The following KCNH7 variants were observed in gnomAD, a reference collection of about 807,000 sequenced individuals.
KCNH7 encodes voltage-gated inwardly rectifying potassium channel KCNH7.
KCNH7 carries 49 observed loss-of-function variants against 120.8 expected under a neutral mutation model. That is an observed-to-expected ratio of 0.41 (90% CI 0.32 to 0.51). The LOEUF is 0.51. Ranked by LOEUF, KCNH7 falls within the 20% of genes least tolerant of loss-of-function variation. The pLI, the probability that KCNH7 is intolerant of heterozygous loss-of-function variation, is 0.38. For missense variants in KCNH7, 1,097 were observed against 1,446.6 expected (o/e 0.76, Z 3.92); for synonymous variants, 547 against 516.1 (o/e 1.06, Z -0.81).
At chr2:162,521,240 T>C (rs1477800170) in intron 3 of KCNH7, among the ~76,000 whole-genome samples, 1 of 151,928 alleles carries the variant, frequency 6.6e-6, no homozygotes, top group Non-Finnish European at 1.5e-5. Context: ...ACTGAATGAC[T>C]TGGCATGGTA....
chr2:162,779,421 G>A (rs1243920417), intron 2 of KCNH7, among the ~76,000 whole-genome samples: 1 of 151,960 alleles, frequency 6.6e-6, no homozygotes, highest in Non-Finnish European at 1.5e-5. Flanking sequence ...GGATGGTCTC[G>A]ATCTCTTGAC....
intron 8 of KCNH7, among the ~76,000 whole-genome samples, chr2:162,427,612 C>T (rs1006445569): frequency 4.6e-5 from 7 of 151,668 alleles, no homozygotes; most frequent in African/African-American, 7.3e-5. Flanking sequence ...TTTATGATCT[C>T]GGTATTGAAA....
intron 5 of KCNH7, among the ~76,000 whole-genome samples, chr2:162,506,635 C>G (rs1690892588): frequency 1.3e-5 from 2 of 151,760 alleles, no homozygotes; most frequent in Non-Finnish European, 2.9e-5. Context: ...TCATCCTTCT[C>G]TATGCTGCAT....
intron 7 of KCNH7, among the ~76,000 whole-genome samples, chr2:162,436,073 AAAAC>A (rs147901683): frequency 0.02 from 3,019 of 152,232 alleles, 207 homozygotes; most frequent in Admixed American, 0.15. Flanking sequence ...AGATTTTTTA[AAAAC>A]AAACAAATAA....
intron 6 of KCNH7, among the ~76,000 whole-genome samples, chr2:162,488,193 AACCAGGCTATT>A (rs1427868725): frequency 6.6e-6 from 1 of 152,234 alleles, no homozygotes; most frequent in Non-Finnish European, 1.5e-5. Context: ...TTGCCAAAGC[AACCAGGCTATT>A]ACCAGGTACT....
At chr2:162,670,470 C>CAAAAAAAAAAAA (rs61610131) in intron 2 of KCNH7, among the ~76,000 whole-genome samples, 3 of 48,228 alleles carry the variant, frequency 6.2e-5, no homozygotes, top group Non-Finnish European at 7.7e-5. Flanking sequence ...CGAACTCTGT[C>CAAAAAAAAAAAA]AAAAAAAAAA....
intron 2 of KCNH7, among the ~76,000 whole-genome samples, chr2:162,608,327 G>T (rs1682850524): frequency 6.6e-6 from 1 of 152,088 alleles, no homozygotes; most frequent in Non-Finnish European, 1.5e-5. Context: ...TTCTTTAGTA[G>T]GTTTAGCTCA....
intron 2 of KCNH7, among the ~76,000 whole-genome samples, chr2:162,655,064 A>G (rs1343250940): frequency 6.6e-6 from 1 of 152,196 alleles, no homozygotes; most frequent in Non-Finnish European, 1.5e-5. Context: ...CTACTGTACA[A>G]TTAGGTGACT....
At chr2:162,443,567 C>G (rs1293368222) in intron 7 of KCNH7, among the ~76,000 whole-genome samples, 1 of 152,184 alleles carries the variant, frequency 6.6e-6, no homozygotes, top group Non-Finnish European at 1.5e-5. Flanking sequence ...ATCAACAAGC[C>G]TTGGCAGCTC....
intron 2 of KCNH7, among the ~76,000 whole-genome samples, chr2:162,806,887 T>C (rs1684556470): frequency 2.6e-5 from 4 of 152,078 alleles, no homozygotes; most frequent in African/African-American, 9.7e-5. Flanking sequence ...ACTCAAAGTA[T>C]AACAGAAACT....
chr2:162,530,852 A>T (rs1194171201), intron 3 of KCNH7, among the ~76,000 whole-genome samples: 1 of 151,984 alleles, frequency 6.6e-6, no homozygotes, highest in African/African-American at 2.4e-5. Context: ...GATGAGAAAA[A>T]ATATGAAGTC....
intron 2 of KCNH7, among the ~76,000 whole-genome samples, chr2:162,619,088 TC>T (rs1376946511): frequency 1.3e-5 from 2 of 152,154 alleles, no homozygotes; most frequent in Non-Finnish European, 2.9e-5. Context: ...CATCTGCCTA[TC>T]CATTCATTTA....
chr2:162,678,777 T>C (rs13430444), intron 2 of KCNH7, among the ~76,000 whole-genome samples: 1,722 of 151,666 alleles, frequency 0.011, 32 homozygotes, highest in African/African-American at 0.039. Flanking sequence ...TTCTTGTGAT[T>C]GGTCATATTT....
intron 2 of KCNH7, among the ~76,000 whole-genome samples, chr2:162,686,185 T>C (rs1488846560): frequency 6.6e-6 from 1 of 152,120 alleles, no homozygotes; most frequent in Non-Finnish European, 1.5e-5. Context: ...TTCTCTTTTA[T>C]AGCTGAGGAG....
At chr2:162,578,647 C>T (rs1190141316) in intron 2 of KCNH7, among the ~76,000 whole-genome samples, 4 of 152,022 alleles carry the variant, frequency 2.6e-5, no homozygotes, top group South Asian at 2.1e-4. Context: ...TTTAGTGTTT[C>T]GCCCTGGGCT....
At chr2:162,795,093 T>C (rs1204301760) in intron 2 of KCNH7, among the ~76,000 whole-genome samples, 3 of 152,098 alleles carry the variant, frequency 2.0e-5, no homozygotes, top group Non-Finnish European at 4.4e-5. Flanking sequence ...AAAATCTATA[T>C]TTTTAGGTAT....
At chr2:162,383,738 A>C (rs1029967043) in intron 13 of KCNH7, among the ~76,000 whole-genome samples, 2 of 152,016 alleles carry the variant, frequency 1.3e-5, no homozygotes, top group Non-Finnish European at 2.9e-5. Context: ...GGGATATATT[A>C]AATTATTAAA....
chr2:162,540,176 G>A (rs1692255342), intron 2 of KCNH7, among the ~76,000 whole-genome samples: 1 of 151,620 alleles, frequency 6.6e-6, no homozygotes. Context: ...AATGAATCTT[G>A]TATTCAAATG....
chr2:162,556,987 G>A (rs1416588185), intron 2 of KCNH7, among the ~76,000 whole-genome samples: 2 of 152,154 alleles, frequency 1.3e-5, no homozygotes, highest in Non-Finnish European at 2.9e-5. Flanking sequence ...TGGTGTTCTG[G>A]TTGTCTGTTG....
Sources: gnomAD v4.1 joint callset for allele counts (sites outside exome capture counted in the v4.1 genomes callset) on GRCh38, gnomAD v4.1.1 for gene constraint, MANE v1.5 for transcripts, NCBI Gene and HGNC (gene_info 2026-07-23, HGNC 2026-07-21) for gene names.